AFAP1: variants seen among roughly 807,000 people sequenced by gnomAD.
The protein encoded by AFAP1 is actin filament associated protein 1, also known as actin filament-associated protein 1.
Under a neutral mutation model 93.9 loss-of-function variants are expected in AFAP1, and 75 were observed. That is an observed-to-expected ratio of 0.80 (90% confidence interval 0.66 to 0.97). AFAP1 has a LOEUF of 0.97. Among genes scored for constraint, AFAP1 ranks in the 50% least tolerant of loss-of-function variants. The pLI is 0.00. For missense variants in AFAP1, 1,201 were observed against 1,050.8 expected (o/e 1.14, Z -1.98); for synonymous variants, 517 against 430.7 (o/e 1.20, Z -2.48).
At chr4:7,795,366 GT>G (rs1283747975) in intron 10 of AFAP1, among the ~76,000 whole-genome samples, 8 of 117,832 alleles carry the variant, frequency 6.8e-5, no homozygotes, top group Non-Finnish European at 1.1e-4. Context: ...CCACAAATGT[GT>G]TCTCTTCACA....
At chr4:7,834,409 G>A (rs1277575700) in intron 6 of AFAP1, among the ~76,000 whole-genome samples, 4 of 152,200 alleles carry the variant, frequency 2.6e-5, no homozygotes, top group East Asian at 1.9e-4. Context: ...TGGGTGCAGT[G>A]TATACTGCTT....
At chr4:7,808,456 G>A (rs1719720537) in intron 9 of AFAP1, among the ~76,000 whole-genome samples, 1 of 151,688 alleles carries the variant, frequency 6.6e-6, no homozygotes, top group Admixed American at 6.6e-5. Context: ...CTACCAGACT[G>A]GAAGCCATGG....
intron 14 of AFAP1, 179 bp downstream of exon 14, chr4:7,778,583 A>C (rs1486584629): frequency 3.1e-6 from 2 of 652,778 alleles, no homozygotes; most frequent in Non-Finnish European, 5.4e-6. Context: ...CAGTCAGAAA[A>C]GCTGGGTTGA....
chr4:7,897,886 G>C (rs909279857), intron 1 of AFAP1, among the ~76,000 whole-genome samples: 1 of 152,026 alleles, frequency 6.6e-6, no homozygotes, highest in Non-Finnish European at 1.5e-5. Flanking sequence ...TGCCCAAAAC[G>C]CACTTTTGAT....
chr4:7,791,940 C>G (rs1489217320), intron 11 of AFAP1, among the ~76,000 whole-genome samples: 3 of 152,038 alleles, frequency 2.0e-5, no homozygotes, highest in Non-Finnish European at 2.9e-5. Flanking sequence ...TAATGTCCAG[C>G]AACGCCAATA....
At chr4:7,830,400 T>G (rs1721783634) in intron 6 of AFAP1, among the ~76,000 whole-genome samples, 2 of 152,162 alleles carry the variant, frequency 1.3e-5, no homozygotes, top group South Asian at 4.1e-4. Context: ...GGACATGTGC[T>G]GGAAGACCTC....
At chr4:7,855,740 G>C (rs559660761) in intron 3 of AFAP1, among the ~76,000 whole-genome samples, 166 bp from the exon 4 acceptor site, 1 of 152,284 alleles carries the variant, frequency 6.6e-6, no homozygotes, top group East Asian at 1.9e-4. Context: ...GCCCTGATGT[G>C]TCTCTCTTAC....
intron 1 of AFAP1, among the ~76,000 whole-genome samples, chr4:7,893,253 C>T (rs147287372): frequency 4.6e-5 from 7 of 152,314 alleles, no homozygotes; most frequent in African/African-American, 9.6e-5. Context: ...ACTGCCTTCA[C>T]GCTCTAAAGT....
chr4:7,809,832 A>G, intron 8 of AFAP1, 69 bp from the exon 9 acceptor site: 1 of 1,530,296 alleles, frequency 6.5e-7, no homozygotes, highest in Non-Finnish European at 8.8e-7. Flanking sequence ...AAAAACATAC[A>G]TCAAAACCCA....
chr4:7,883,027 A>C (rs984559714), intron 1 of AFAP1, among the ~76,000 whole-genome samples: 1 of 151,846 alleles, frequency 6.6e-6, no homozygotes, highest in Non-Finnish European at 1.5e-5. Context: ...TCTATAAAAA[A>C]TACAAAAATT....
intron 1 of AFAP1, among the ~76,000 whole-genome samples, chr4:7,891,091 A>G (rs894550705): frequency 1.3e-5 from 2 of 152,234 alleles, no homozygotes; most frequent in African/African-American, 4.8e-5. Context: ...AATTACCAAA[A>G]AAAAAAATAA....
At chr4:7,840,971 C>CA (rs1238201682) in intron 5 of AFAP1, among the ~76,000 whole-genome samples, 1 of 152,176 alleles carries the variant, frequency 6.6e-6, no homozygotes, top group Non-Finnish European at 1.5e-5. Context: ...CCCCACATCT[C>CA]AAACGCTTAT....
At chr4:7,827,560 C>A in intron 6 of AFAP1, among the ~76,000 whole-genome samples, 1 of 48,298 alleles carries the variant, frequency 2.1e-5, no homozygotes, top group Non-Finnish European at 4.3e-5. Flanking sequence ...AAGAGTGAAA[C>A]TCTGTCTCCA....
At chr4:7,831,632 C>T (rs189263957) in intron 6 of AFAP1, among the ~76,000 whole-genome samples, 2 of 152,284 alleles carry the variant, frequency 1.3e-5, no homozygotes. Context: ...GACTTCATGT[C>T]AGACCAGCAC....
chr4:7,820,766 G>C (rs868178767), intron 6 of AFAP1, among the ~76,000 whole-genome samples: 23 of 152,156 alleles, frequency 1.5e-4, no homozygotes, highest in African/African-American at 3.6e-4. Context: ...GGAGGGAAGA[G>C]GGAGGAGGCA....
Position 7,939,606 on chromosome 4 carries a change from A to G in AFAP1, c.-3+50T>C, listed in dbSNP as rs1721618120. ...CGCTCGGAGCTTCCACGCCCGGGGC[A>G]GAGACCCCCGCCGGGTCCGGAGACC... On this transcript the variant is annotated intron_variant, in intron 1 of 17. Coordinates refer to ENST00000420658, the MANE Select transcript of AFAP1 (RefSeq NM_001134647.2). This position sits in a 1 kb window ranked among gnomAD's most constrained non-coding sequence, Gnocchi z 5.6. 4.9e-6 allele frequency: 2 copies of G among 408,382 alleles called. No individual in the cohort carries two copies. Among genetic ancestry groups the G allele is most frequent in the African/African-American group, 2.2e-5 (1 of 45,400 alleles). The allele number at this position is 408,382 out of a possible 1,614,324, so 25.3% of individuals were successfully genotyped here.
chr4:7,929,001 C>A (rs1310574472), intron 1 of AFAP1, among the ~76,000 whole-genome samples: 14 of 152,224 alleles, frequency 9.2e-5, no homozygotes, highest in Admixed American at 8.5e-4. Flanking sequence ...ACAGATCACT[C>A]CGATCGCAGA....
chr4:7,890,116 G>T (rs1431174349), intron 1 of AFAP1, among the ~76,000 whole-genome samples: 1 of 151,862 alleles, frequency 6.6e-6, no homozygotes, highest in Non-Finnish European at 1.5e-5. Context: ...AACAATGTTG[G>T]AACACTTCTA....
intron 17 of AFAP1, 151 bp downstream of exon 17, chr4:7,768,693 G>T: frequency 1.0e-6 from 1 of 999,374 alleles, no homozygotes; most frequent in Non-Finnish European, 1.4e-6. Context: ...GTGAGAACTC[G>T]ATAAGCACCC....
Sources: gnomAD v4.1 joint callset for allele counts (sites outside exome capture counted in the v4.1 genomes callset) on GRCh38, gnomAD v4.1.1 for gene constraint, Gnocchi (gnomAD v3.1) non-coding constraint, MANE v1.5 for transcripts, NCBI Gene and HGNC (gene_info 2026-07-23, HGNC 2026-07-21) for gene names.